The following NAV3 variants were observed in gnomAD, a reference collection of about 807,000 sequenced individuals.
NAV3 encodes pore membrane and/or filament interacting like protein 1.
In NAV3, 87 loss-of-function variants were observed where a neutral mutation model predicts 244.7. The observed-to-expected ratio is 0.36, with a 90% CI of 0.30 to 0.42. NAV3 has a LOEUF of 0.42. Ranked by LOEUF, NAV3 falls within the 20% of genes least tolerant of loss-of-function variation. The probability of loss-of-function intolerance (pLI) is 1.00; values close to 1 mark genes in which losing one functional copy is unlikely to be tolerated. For synonymous variants in NAV3, 1,126 were observed against 1,042.2 expected, an observed-to-expected ratio of 1.08 and a Z score of -1.55; for missense variants, 2,663 against 2,893.3, an observed-to-expected ratio of 0.92 and a Z score of 1.83.
chr12:78,162,878 A>G (rs935448571), intron 23 of NAV3, among the ~76,000 whole-genome samples: 6 of 139,326 alleles, frequency 4.3e-5, no homozygotes, highest in African/African-American at 7.9e-5. Flanking sequence ...AAATATATAT[A>G]TATAATATAT....
chr12:77,740,922 C>T (rs891865562), intron 2 of NAV3, among the ~76,000 whole-genome samples: 13 of 151,742 alleles, frequency 8.6e-5, no homozygotes, highest in African/African-American at 2.7e-4. Context: ...TGTAAGTTGC[C>T]GTGCAAAGAA....
intron 1 of NAV3, among the ~76,000 whole-genome samples, chr12:77,856,163 A>G (rs1878365162): frequency 6.6e-6 from 1 of 152,130 alleles, no homozygotes; most frequent in African/African-American, 2.4e-5. Flanking sequence ...AATTCTTTTT[A>G]CCAATGGATA....
At chr12:77,755,426 T>C (rs1231988742) in intron 2 of NAV3, among the ~76,000 whole-genome samples, 2 of 152,166 alleles carry the variant, frequency 1.3e-5, no homozygotes, top group African/African-American at 4.8e-5. Flanking sequence ...TCTGCTTACG[T>C]TGATGGGATC....
intron 30 of NAV3, among the ~76,000 whole-genome samples, chr12:78,184,919 GTTAATC>G (rs140952670): frequency 6.3e-4 from 96 of 151,852 alleles, no homozygotes; most frequent in African/African-American, 2.2e-3. Context: ...TATTTTGAAA[GTTAATC>G]TTTAATCACC....
At chr12:78,163,038 G>T (rs1957631528) in intron 23 of NAV3, among the ~76,000 whole-genome samples, 1 of 148,050 alleles carries the variant, frequency 6.8e-6, no homozygotes, top group South Asian at 2.1e-4. Flanking sequence ...TGAGAATGAG[G>T]ATACTGAGAA....
At chr12:77,780,987 G>T (rs1035311602) in intron 2 of NAV3, among the ~76,000 whole-genome samples, 1 of 152,154 alleles carries the variant, frequency 6.6e-6, no homozygotes, top group African/African-American at 2.4e-5. Context: ...CTTCCTAGGT[G>T]TTGGTTCCCT....
chr12:78,110,438 A>G (rs984197357), intron 12 of NAV3, among the ~76,000 whole-genome samples: 11 of 152,076 alleles, frequency 7.2e-5, no homozygotes, highest in Non-Finnish European at 1.5e-4. Flanking sequence ...ATAATCCTAA[A>G]ATTAGTATGG....
chr12:77,950,388 G>C (rs1343435187), intron 3 of NAV3, among the ~76,000 whole-genome samples: 1 of 152,016 alleles, frequency 6.6e-6, no homozygotes, highest in African/African-American at 2.4e-5. Context: ...ACTATAATTT[G>C]AATTCCCCTG....
Position 78,069,513 on chromosome 12 carries a change from A to G in NAV3, c.2636+10398A>G, listed in dbSNP as rs915473516. 5.9e-5 allele frequency among the ~76,000 whole-genome samples: 9 copies of G among 151,890 alleles called. No homozygotes were observed. The South Asian group carries it at 1.9e-3, about 32-fold the overall frequency. ...TATAGTATAGTACCCTGCTTTCTTC[A>G]CTGTATTTATATAATAAATAATACT... On this transcript the variant is annotated intron_variant, in intron 12 of 39. Transcript: ENST00000397909.
At chr12:77,672,316 A>G (rs1217935496) in intron 2 of NAV3, among the ~76,000 whole-genome samples, 1 of 152,172 alleles carries the variant, frequency 6.6e-6, no homozygotes, top group Admixed American at 6.6e-5. Context: ...TAGTAAAACC[A>G]TTACGGAAAA....
intron 2 of NAV3, among the ~76,000 whole-genome samples, chr12:77,657,402 A>C (rs1224597092): frequency 2.6e-5 from 4 of 152,192 alleles, no homozygotes; most frequent in Non-Finnish European, 5.9e-5. Flanking sequence ...CCAAGACTAA[A>C]CCAGGAAGAA....
chr12:77,713,441 A>G (rs574254074), intron 2 of NAV3, among the ~76,000 whole-genome samples: 77 of 152,296 alleles, frequency 5.1e-4, no homozygotes, highest in African/African-American at 1.8e-3. Flanking sequence ...GACTTACATA[A>G]TGAATACTTT....
At chr12:77,774,661 C>T (rs1870259702) in intron 2 of NAV3, among the ~76,000 whole-genome samples, 1 of 152,098 alleles carries the variant, frequency 6.6e-6, no homozygotes, top group African/African-American at 2.4e-5. Context: ...GGACTGTCAT[C>T]CCTCAGCTCT....
At chr12:78,116,689 T>C in intron 12 of NAV3, 83 bp from the exon 13 acceptor site, 6 of 1,310,746 alleles carry the variant, frequency 4.6e-6, no homozygotes, top group Non-Finnish European at 6.0e-6. Flanking sequence ...TAATAATAAA[T>C]TGTGAATGTT....
chr12:78,078,400 TTTTTTTTTTTTTTG>T (rs1953167384), intron 12 of NAV3, among the ~76,000 whole-genome samples: 1 of 99,882 alleles, frequency 1.0e-5, no homozygotes, highest in African/African-American at 3.8e-5. Flanking sequence ...TTTTTTTTTT[TTTTTTTTTTTTTTG>T]AGACGGAGTC....
intron 9 of NAV3, among the ~76,000 whole-genome samples, chr12:78,040,064 T>C (rs150895603): frequency 6.6e-6 from 1 of 152,258 alleles, no homozygotes; most frequent in African/African-American, 2.4e-5. Flanking sequence ...TATTTAGACT[T>C]TGCAATTGTG....
intron 23 of NAV3, among the ~76,000 whole-genome samples, chr12:78,167,852 A>G (rs1957842631): frequency 6.6e-6 from 1 of 151,412 alleles, no homozygotes; most frequent in African/African-American, 2.4e-5. Flanking sequence ...CTATACTGAA[A>G]CAATTCTCAG....
intron 3 of NAV3, among the ~76,000 whole-genome samples, chr12:77,959,441 A>G (rs1309797594): frequency 6.6e-6 from 1 of 152,146 alleles, no homozygotes; most frequent in African/African-American, 2.4e-5. Flanking sequence ...CATTTATACC[A>G]TTATAGCATT....
At chr12:77,822,219 A>G (rs960903736) in intron 2 of NAV3, among the ~76,000 whole-genome samples, 2 of 152,186 alleles carry the variant, frequency 1.3e-5, no homozygotes, top group African/African-American at 4.8e-5. Flanking sequence ...CATGTCATAG[A>G]GCATATATAA....
Sources: allele counts gnomAD v4.1 joint callset (sites outside exome capture counted in the v4.1 genomes callset), GRCh38; gene constraint gnomAD v4.1.1; transcripts MANE v1.5; gene names NCBI Gene and HGNC (gene_info 2026-07-23, HGNC 2026-07-21).